The following KCNT2 variants were observed in gnomAD, a reference collection of about 807,000 sequenced individuals.
KCNT2 encodes potassium sodium-activated channel subfamily T member 2, also known as potassium channel subfamily T member 2.
A neutral mutation model predicts 153.8 loss-of-function variants in KCNT2; 67 were observed. That is an observed-to-expected ratio of 0.44 (90% CI 0.36 to 0.53). The LOEUF (loss-of-function observed/expected upper bound fraction) is 0.53, where lower values mean the gene tolerates loss of function less well. Ranked by LOEUF, KCNT2 falls within the 20% of genes least tolerant of loss-of-function variation. The pLI, the probability that KCNT2 is intolerant of heterozygous loss-of-function variation, is 0.00. For synonymous variants in KCNT2, 500 were observed against 458.8 expected, an observed-to-expected ratio of 1.09 and a Z score of -1.15; for missense variants, 975 against 1,354.8, an observed-to-expected ratio of 0.72 and a Z score of 4.40.
intron 8 of KCNT2, among the ~76,000 whole-genome samples, chr1:196,451,921 C>T (rs546145418): frequency 7.2e-5 from 11 of 151,938 alleles, no homozygotes; most frequent in Admixed American, 5.2e-4. Flanking sequence ...TTACACTTTT[C>T]CTAGCTTTCC....
intron 1 of KCNT2, among the ~76,000 whole-genome samples, chr1:196,553,650 T>C (rs1205940552): frequency 6.6e-6 from 1 of 151,160 alleles, no homozygotes; most frequent in African/African-American, 2.4e-5. Flanking sequence ...ACAATAGATA[T>C]TTACAGAACA....
At chr1:196,289,348 T>C (rs897962361) in intron 22 of KCNT2, among the ~76,000 whole-genome samples, 4 of 152,086 alleles carry the variant, frequency 2.6e-5, no homozygotes, top group African/African-American at 9.7e-5. Flanking sequence ...ACCTTGTTTA[T>C]GTTTTTAATT....
chr1:196,418,540 GT>G (rs1672935957), intron 12 of KCNT2, among the ~76,000 whole-genome samples: 1 of 151,928 alleles, frequency 6.6e-6, no homozygotes, highest in Admixed American at 6.6e-5. Flanking sequence ...TTTTCTCACA[GT>G]TCTGGCAACT....
At chr1:196,529,477 T>A (rs1480462027) in intron 1 of KCNT2, among the ~76,000 whole-genome samples, 2 of 152,224 alleles carry the variant, frequency 1.3e-5, no homozygotes, top group African/African-American at 4.8e-5. Context: ...TGTGGAGACA[T>A]TATGATCTTC....
At chr1:196,559,713 G>GT (rs1407434848) in intron 1 of KCNT2, among the ~76,000 whole-genome samples, 1 of 151,642 alleles carries the variant, frequency 6.6e-6, no homozygotes, top group Non-Finnish European at 1.5e-5. Context: ...GCATTTCTCT[G>GT]TTTTTTAGTG....
chr1:196,347,441 C>T (rs1666238057), intron 14 of KCNT2, among the ~76,000 whole-genome samples: 1 of 152,152 alleles, frequency 6.6e-6, no homozygotes, highest in South Asian at 2.1e-4. Context: ...GATTTGTACT[C>T]ACCTATTTGT....
intron 1 of KCNT2, among the ~76,000 whole-genome samples, chr1:196,598,382 T>C (rs1182015137): frequency 2.0e-5 from 3 of 152,164 alleles, no homozygotes; most frequent in East Asian, 1.9e-4. Flanking sequence ...AATAAAACCA[T>C]TGCCTTAGTT....
At chr1:196,292,758 G>T (rs569993792) in intron 22 of KCNT2, among the ~76,000 whole-genome samples, 1 of 146,348 alleles carries the variant, frequency 6.8e-6, no homozygotes, top group Non-Finnish European at 1.5e-5. Flanking sequence ...CTTGAAGCGA[G>T]TGGAGATTGC....
intron 25 of KCNT2, among the ~76,000 whole-genome samples, chr1:196,264,004 G>A (rs1279629163): frequency 6.6e-6 from 1 of 151,876 alleles, no homozygotes; most frequent in Non-Finnish European, 1.5e-5. Flanking sequence ...GGTCTCTGTG[G>A]AATTTGGAAT....
At chr1:196,290,190 C>A (rs1014382723) in intron 22 of KCNT2, among the ~76,000 whole-genome samples, 1 of 152,060 alleles carries the variant, frequency 6.6e-6, no homozygotes, top group Non-Finnish European at 1.5e-5. Context: ...TTCCTCTGGA[C>A]CCAATCATAA....
intron 8 of KCNT2, among the ~76,000 whole-genome samples, chr1:196,437,389 T>C (rs1416786035): frequency 7.1e-6 from 1 of 141,556 alleles, no homozygotes; most frequent in Non-Finnish European, 1.5e-5. Flanking sequence ...TTTATATATA[T>C]ACACAAATTT....
At chr1:196,553,290 A>G (rs1247756593) in intron 1 of KCNT2, among the ~76,000 whole-genome samples, 1 of 151,294 alleles carries the variant, frequency 6.6e-6, no homozygotes, top group Non-Finnish European at 1.5e-5. Context: ...GACAAAAACT[A>G]TAAGAGAAAA....
chr1:196,317,410 A>C (rs573023110), intron 20 of KCNT2: 81 of 253,170 alleles, frequency 3.2e-4, no homozygotes, highest in African/African-American at 1.8e-3. Context: ...AATTTATCAT[A>C]ATTTTTCTTA....
chr1:196,472,136 CA>C (rs1479357876), intron 5 of KCNT2, among the ~76,000 whole-genome samples: 1 of 152,168 alleles, frequency 6.6e-6, no homozygotes, highest in Non-Finnish European at 1.5e-5. Context: ...TGTAACATTT[CA>C]GTGAACTAAT....
chr1:196,387,343 A>T (rs1171553694), intron 13 of KCNT2, among the ~76,000 whole-genome samples: 1 of 151,958 alleles, frequency 6.6e-6, no homozygotes, highest in African/African-American at 2.4e-5. Flanking sequence ...GTATGGCAAC[A>T]TTCAGGAATC....
At chr1:196,378,089 T>G (rs1669126525) in intron 13 of KCNT2, among the ~76,000 whole-genome samples, 1 of 151,934 alleles carries the variant, frequency 6.6e-6, no homozygotes, top group Admixed American at 6.6e-5. Flanking sequence ...CCACAGAGAA[T>G]AGTGAGCCAT....
At chr1:196,435,135 G>GTATGTATA (rs1460382734) in intron 8 of KCNT2, among the ~76,000 whole-genome samples, 4 of 76,872 alleles carry the variant, frequency 5.2e-5, no homozygotes, top group African/African-American at 1.9e-4. Context: ...GTGTGTGTGT[G>GTATGTATA]TATGTATATA....
intron 14 of KCNT2, among the ~76,000 whole-genome samples, chr1:196,353,303 T>G (rs1267711830): frequency 6.6e-6 from 1 of 151,966 alleles, no homozygotes; most frequent in East Asian, 1.9e-4. Flanking sequence ...TTGGACCTCA[T>G]CTCACTGGGC....
intron 14 of KCNT2, among the ~76,000 whole-genome samples, chr1:196,345,159 C>T (rs888723308): frequency 2.6e-5 from 4 of 152,024 alleles, no homozygotes; most frequent in Non-Finnish European, 4.4e-5. Flanking sequence ...CTCATAGAGC[C>T]ACTAGTGGGA....
Sources: gnomAD v4.1 joint callset for allele counts (sites outside exome capture counted in the v4.1 genomes callset) on GRCh38, gnomAD v4.1.1 for gene constraint, MANE v1.5 for transcripts, NCBI Gene and HGNC (gene_info 2026-07-23, HGNC 2026-07-21) for gene names.